The following ANK1 variants were observed in gnomAD, a reference collection of about 807,000 sequenced individuals.
The protein encoded by ANK1 is ankyrin 1, also known as ankyrin-1.
Under a neutral mutation model 210.4 loss-of-function variants are expected in ANK1, and 51 were observed. The observed-to-expected ratio is 0.24, with a 90% CI of 0.19 to 0.31. The LOEUF (loss-of-function observed/expected upper bound fraction) is 0.31, where lower values mean the gene tolerates loss of function less well. ANK1 is among the 10% of genes least tolerant of loss of function. The pLI is 1.00. For missense variants in ANK1, 2,051 were observed against 2,504.4 expected (o/e 0.82, Z 3.86); for synonymous variants, 967 against 1,025.9 (o/e 0.94, Z 1.10).
At chr8:41,853,916 G>A (rs115773099) in intron 1 of ANK1, among the ~76,000 whole-genome samples, 1,604 of 152,138 alleles carry the variant, frequency 0.011, 28 homozygotes, top group African/African-American at 0.037. Flanking sequence ...AGGAGCCACC[G>A]CACTTGACCC....
At chr8:41,684,271 G>A (rs1367785061) in intron 37 of ANK1, among the ~76,000 whole-genome samples, 2 of 152,246 alleles carry the variant, frequency 1.3e-5, no homozygotes, top group Admixed American at 6.5e-5. Context: ...CTGTGGGGAC[G>A]CAGTTGCTGA....
chr8:41,848,744 A>G (rs999308947), intron 1 of ANK1, among the ~76,000 whole-genome samples: 9 of 152,222 alleles, frequency 5.9e-5, no homozygotes, highest in Admixed American at 4.6e-4. Context: ...TACTGCTCTT[A>G]AGGTGATCTC....
chr8:41,896,340 G>C (rs1243445261), intron 1 of ANK1: 1 of 1,586,242 alleles, frequency 6.3e-7, no homozygotes, highest in African/African-American at 1.4e-5. Context: ...GGCTTTCACC[G>C]CCGCCCCCTC....
chr8:41,708,490 G>T (rs548011773), intron 17 of ANK1, among the ~76,000 whole-genome samples: 1 of 152,180 alleles, frequency 6.6e-6, no homozygotes, highest in Non-Finnish European at 1.5e-5. Context: ...AGTTTATTAT[G>T]GATTTTAATA....
At position 41,807,958 on chromosome 8, in the gene ANK1, A is replaced by G. The variant is rs1261045430; in HGVS notation, c.127-49821T>C. On this transcript the variant is annotated intron_variant, in intron 1 of 42. Transcript: ENST00000265709. The stretch of plus-strand genomic sequence containing the variant: ...GAGGGAGGGGAAGAGGAGGAGGGGA[A>G]GAGGAGGAGGGGAGGAGGAGGAGGA... Among the ~76,000 whole-genome samples the G allele has an allele frequency of 2.1e-5, 3 of 141,462 alleles. No individual in the cohort carries two copies. In the East Asian group the frequency reaches 7.4e-4, roughly 35 times the overall value. The allele number at this position is 141,462 out of a possible 152,430, so 92.8% of individuals were successfully genotyped here.
chr8:41,815,361 TAGAAG>T (rs751433832), intron 1 of ANK1, among the ~76,000 whole-genome samples: 79 of 152,160 alleles, frequency 5.2e-4, no homozygotes, highest in Non-Finnish European at 4.3e-4. Context: ...CCCTTGTTGT[TAGAAG>T]AGAAGACTAA....
chr8:41,684,673 C>T lies in ANK1; in HGVS notation c.4408G>A (p.Ala1470Thr). 1 of 1,613,894 alleles carries T rather than the reference C, an allele frequency of 6.2e-7. No individual in the cohort carries two copies. The highest frequency in any genetic ancestry group is 1.1e-5 in the South Asian group (1 of 91,082). ...TCGCCACGGTCAATGCTCTGCAGGG[C>T]TGTGTACAGATTCTCCACTGTGGGC... ...QNANMENLYTALQSIDRGEIV... is the reference protein window; with the variant it reads ...QNANMENLYTTLQSIDRGEIV... Residue 1470 changes from alanine to threonine, a missense_variant, in exon 37 of 43, where the codon GCC becomes ACC. Physicochemically the swap from Ala to Thr is moderately conservative, Grantham distance 58. Transcript: ENST00000289734.
chr8:41,716,891 C>G, intron 13 of ANK1, 62 bp downstream of exon 13: 1 of 1,531,460 alleles, frequency 6.5e-7, no homozygotes. Context: ...AGGATGGGTT[C>G]TCTGCACAGT....
intron 42 of ANK1, among the ~76,000 whole-genome samples, chr8:41,659,472 G>A (rs484328): frequency 0.21 from 31,676 of 152,146 alleles, 3,579 homozygotes; most frequent in East Asian, 0.45. Flanking sequence ...AAATGTTAGC[G>A]AGTGGACGAA....
At chr8:41,849,018 C>A (rs1209895226) in intron 1 of ANK1, among the ~76,000 whole-genome samples, 1 of 152,218 alleles carries the variant, frequency 6.6e-6, no homozygotes, top group African/African-American at 2.4e-5. Flanking sequence ...GAAGTTTCCA[C>A]CCTCCAGGGC....
At chr8:41,797,641 G>A (rs1045630204), upstream of ANK1, 18 of 1,552,474 alleles carry the variant, frequency 1.2e-5, no homozygotes, top group African/African-American at 1.4e-4. The surrounding 1 kb of genome is among the most constrained non-coding windows in gnomAD (Gnocchi z 4.0). Flanking sequence ...TGTGACGTGC[G>A]GGCCAGGCCC....
intron 6 of ANK1, 35 bp from the exon 7 acceptor site, chr8:41,724,589 T>C: frequency 6.5e-7 from 1 of 1,540,836 alleles, no homozygotes; most frequent in Non-Finnish European, 8.8e-7. Flanking sequence ...ACTTGTTATA[T>C]GTGATTTACT....
chr8:41,674,722 T>C (rs1813609481), intron 37 of ANK1, among the ~76,000 whole-genome samples: 1 of 152,214 alleles, frequency 6.6e-6, no homozygotes, highest in African/African-American at 2.4e-5. Flanking sequence ...CCTGCAAGCC[T>C]ACTTGGTTCC....
chr8:41,772,893 G>A (rs1330148516), intron 1 of ANK1, among the ~76,000 whole-genome samples: 2 of 152,124 alleles, frequency 1.3e-5, no homozygotes, highest in Admixed American at 6.5e-5. Context: ...TACCGAGAAA[G>A]GCAGGCTGGT....
At chr8:41,808,467 C>G (rs1851291265) in intron 1 of ANK1, among the ~76,000 whole-genome samples, 1 of 152,064 alleles carries the variant, frequency 6.6e-6, no homozygotes, top group South Asian at 2.1e-4. Context: ...GAATTCGAGA[C>G]CAGCCTGACC....
At chr8:41,862,835 C>T (rs1813556071) in intron 1 of ANK1, among the ~76,000 whole-genome samples, 1 of 151,420 alleles carries the variant, frequency 6.6e-6, no homozygotes, top group Non-Finnish European at 1.5e-5. Context: ...CATGGCAAGA[C>T]CCCTGTCTCT....
intron 2 of ANK1, among the ~76,000 whole-genome samples, chr8:41,754,434 A>G (rs890964453): frequency 6.6e-6 from 1 of 152,242 alleles, no homozygotes; most frequent in Non-Finnish European, 1.5e-5. Flanking sequence ...ATATAAGCCA[A>G]GAGTTCCTCT....
At chr8:41,696,239 G>T in intron 26 of ANK1, 124 bp downstream of exon 26, 1 of 1,097,808 alleles carries the variant, frequency 9.1e-7, no homozygotes, top group Non-Finnish European at 1.4e-6. Flanking sequence ...ACCTTCGTGT[G>T]TCAGGAAAAG....
At position 41,663,863 on chromosome 8, in the gene ANK1, C is replaced by G. The variant is rs1440283130; in HGVS notation, c.5395-121G>C. ...AGCCATGGCCCAATAACTCCCCCAG[C>G]AGGAAACCCGGCTCAGCATGTAGCA... On this transcript the variant is annotated intron_variant, in intron 39 of 42. Coordinates refer to ENST00000289734, the MANE Select transcript of ANK1 (RefSeq NM_000037.4). The G allele has an allele frequency of 4.9e-6, 4 of 819,720 alleles. No individual in the cohort carries two copies. In the Admixed American group the frequency reaches 5.8e-5, roughly 12 times the overall value. The allele number at this position is 819,720 out of a possible 1,614,324, so 50.8% of individuals were successfully genotyped here.
Sources: gnomAD v4.1 joint callset for allele counts (sites outside exome capture counted in the v4.1 genomes callset) on GRCh38, gnomAD v4.1.1 for gene constraint, Gnocchi (gnomAD v3.1) non-coding constraint, MANE v1.5 for transcripts, NCBI Gene and HGNC (gene_info 2026-07-23, HGNC 2026-07-21) for gene names.